ATRNL1: variants seen among roughly 807,000 people sequenced by gnomAD.
ATRNL1 encodes the protein attractin like 1, also known as attractin-like protein 1.
Under a neutral mutation model 182.7 loss-of-function variants are expected in ATRNL1, and 95 were observed. The ratio of observed to expected loss-of-function variants is 0.52; its 90% CI spans 0.44 to 0.62. ATRNL1 has a LOEUF of 0.62. ATRNL1 is among the 20% of genes least tolerant of loss of function. The pLI is 0.00. For missense variants in ATRNL1, 1,471 were observed against 1,679.5 expected (o/e 0.88, Z 2.17); for synonymous variants, 576 against 568.3 (o/e 1.01, Z -0.19).
At chr10:115,782,878 C>T (rs954979281) in intron 27 of ATRNL1, among the ~76,000 whole-genome samples, 12 of 152,218 alleles carry the variant, frequency 7.9e-5, no homozygotes, top group South Asian at 2.1e-4. Flanking sequence ...ATTTTTTAAA[C>T]GGACAGGACA....
chr10:115,151,183 C>T (rs1458646172), intron 5 of ATRNL1, among the ~76,000 whole-genome samples: 11 of 152,232 alleles, frequency 7.2e-5, no homozygotes, highest in East Asian at 1.9e-4. Flanking sequence ...AATAAACATA[C>T]GTGTGCATGT....
chr10:115,836,679 A>T (rs73381628), intron 27 of ATRNL1, among the ~76,000 whole-genome samples: 6,947 of 152,278 alleles, frequency 0.046, 553 homozygotes, highest in African/African-American at 0.16. Flanking sequence ...GCCTACCCTA[A>T]TGGAGTATGA....
intron 23 of ATRNL1, 82 bp from the exon 24 acceptor site, chr10:115,469,090 A>C (rs1848189554): frequency 2.2e-6 from 1 of 455,338 alleles, no homozygotes; most frequent in Non-Finnish European, 3.6e-6. Flanking sequence ...TTATAAGAGC[A>C]ATTATAAAAA....
chr10:115,184,432 A>T (rs1335603431), intron 8 of ATRNL1, among the ~76,000 whole-genome samples: 1 of 151,534 alleles, frequency 6.6e-6, no homozygotes, highest in Non-Finnish European at 1.5e-5. Context: ...AACTATATAT[A>T]TATATACACA....
intron 27 of ATRNL1, among the ~76,000 whole-genome samples, chr10:115,845,556 G>T (rs1950908654): frequency 6.6e-6 from 1 of 151,996 alleles, no homozygotes; most frequent in Non-Finnish European, 1.5e-5. Flanking sequence ...TGTTAAAAGT[G>T]GCAGAAAGAT....
At chr10:115,281,544 A>G in intron 14 of ATRNL1, 57 bp downstream of exon 14, 2 of 1,525,000 alleles carry the variant, frequency 1.3e-6, no homozygotes, top group Non-Finnish European at 1.8e-6. Flanking sequence ...ATACTGACAT[A>G]GAAAAGTACA....
chr10:115,740,821 A>AACACACACACACACACACAC (rs1314938267), intron 27 of ATRNL1, among the ~76,000 whole-genome samples: 1 of 57,204 alleles, frequency 1.7e-5, no homozygotes, highest in African/African-American at 4.2e-5. Context: ...TATCTCTTTA[A>AACACACACACACACACACAC]ACACACACAC....
intron 25 of ATRNL1, among the ~76,000 whole-genome samples, chr10:115,535,326 T>C (rs1851908135): frequency 6.6e-6 from 1 of 152,096 alleles, no homozygotes; most frequent in South Asian, 2.1e-4. Context: ...CTTTTTTCTC[T>C]AAACTTCCCT....
intron 20 of ATRNL1, among the ~76,000 whole-genome samples, chr10:115,423,437 A>C (rs1166255840): frequency 6.6e-6 from 1 of 152,124 alleles, no homozygotes; most frequent in Admixed American, 6.6e-5. Context: ...CTGAGGTGGG[A>C]GAATCACCTG....
chr10:115,178,615 G>A (rs1185006054), intron 8 of ATRNL1, among the ~76,000 whole-genome samples: 1 of 152,150 alleles, frequency 6.6e-6, no homozygotes, highest in Non-Finnish European at 1.5e-5. Flanking sequence ...AAGAGGTGGG[G>A]CTTTTTGGGG....
intron 28 of ATRNL1, among the ~76,000 whole-genome samples, chr10:115,940,500 G>C (rs1555123960): frequency 3.3e-5 from 5 of 152,054 alleles, no homozygotes; most frequent in Non-Finnish European, 7.4e-5. Flanking sequence ...ACATGGTCTG[G>C]GCATTATCTA....
intron 20 of ATRNL1, among the ~76,000 whole-genome samples, chr10:115,420,682 T>C (rs1458496967): frequency 6.6e-6 from 1 of 150,864 alleles, no homozygotes; most frequent in African/African-American, 2.4e-5. Flanking sequence ...TCCAAAATTA[T>C]GAGAAGGAAA....
rs530269356 is a variant in ATRNL1 at position 115,636,117 on chromosome 10, G to A, written c.3795+86581G>A. ...TTCGAAAATTAGTTGAGATACTTAC[G>A]ATTTCTCATCATTTCTGTATTTTCT... On this transcript the variant is annotated intron_variant, in intron 26 of 28. Coordinates refer to ENST00000355044, the MANE Select transcript of ATRNL1 (RefSeq NM_207303.4). Among the ~76,000 whole-genome samples the A allele has an allele frequency of 2.0e-5, 3 of 152,112 alleles. No individual in the cohort carries two copies. The East Asian group carries it at 5.8e-4, about 30-fold the overall frequency.
chr10:115,737,154 G>A (rs1555066072), intron 27 of ATRNL1, among the ~76,000 whole-genome samples: 2 of 151,646 alleles, frequency 1.3e-5, no homozygotes, highest in Non-Finnish European at 2.9e-5. Flanking sequence ...GGGTAGGCAC[G>A]GTGGCTCATG....
chr10:115,610,206 C>T (rs1434738476), intron 26 of ATRNL1, among the ~76,000 whole-genome samples: 4 of 152,080 alleles, frequency 2.6e-5, no homozygotes, highest in Non-Finnish European at 5.9e-5. Flanking sequence ...GCAATGCAAA[C>T]CCAGGGTGTC....
chr10:115,940,496 T>G (rs1277025296), intron 28 of ATRNL1, among the ~76,000 whole-genome samples: 1 of 152,190 alleles, frequency 6.6e-6, no homozygotes, highest in Non-Finnish European at 1.5e-5. Context: ...TTATACATGG[T>G]CTGGGCATTA....
intron 26 of ATRNL1, among the ~76,000 whole-genome samples, chr10:115,594,098 A>G (rs1856082246): frequency 6.6e-6 from 1 of 152,138 alleles, no homozygotes; most frequent in African/African-American, 2.4e-5. Context: ...CAGAAGAAAT[A>G]AAACTATACT....
At chr10:115,259,857 GT>G (rs1271252943) in intron 10 of ATRNL1, among the ~76,000 whole-genome samples, 4 of 152,082 alleles carry the variant, frequency 2.6e-5, no homozygotes, top group African/African-American at 4.8e-5. Context: ...AGATATTCCA[GT>G]AGCTTGCATT....
intron 27 of ATRNL1, among the ~76,000 whole-genome samples, chr10:115,837,893 A>AT (rs1242510900): frequency 3.3e-5 from 5 of 152,190 alleles, no homozygotes; most frequent in Non-Finnish European, 5.9e-5. Flanking sequence ...ACATTGACCC[A>AT]TATAAAATTG....
Sources: allele counts gnomAD v4.1 joint callset (sites outside exome capture counted in the v4.1 genomes callset), GRCh38; gene constraint gnomAD v4.1.1; transcripts MANE v1.5; gene names NCBI Gene and HGNC (gene_info 2026-07-23, HGNC 2026-07-21).